Variants in DENND1B observed in about 807,000 individuals in gnomAD.
DENND1B encodes DENN domain-containing protein 1B.
DENND1B carries 59 observed loss-of-function variants against 90.1 expected under a neutral mutation model. That is an observed-to-expected ratio of 0.65 (90% CI 0.53 to 0.81). The LOEUF (loss-of-function observed/expected upper bound fraction) is 0.81, where lower values mean the gene tolerates loss of function less well. DENND1B is among the 40% of genes least tolerant of loss of function. The pLI is 0.00. For synonymous variants in DENND1B, 337 were observed against 324.6 expected (o/e 1.04, Z -0.41); for missense variants, 862 against 912.6 (o/e 0.94, Z 0.71).
At chr1:197,664,689 A>T (rs1022724786) in intron 5 of DENND1B, among the ~76,000 whole-genome samples, 5 of 152,164 alleles carry the variant, frequency 3.3e-5, no homozygotes. Context: ...ATAGTAATCA[A>T]ATAAAACTAA....
chr1:197,536,115 A>C (rs1248126645), intron 20 of DENND1B, among the ~76,000 whole-genome samples: 1 of 133,912 alleles, frequency 7.5e-6, no homozygotes, highest in Non-Finnish European at 1.6e-5. Flanking sequence ...AGACGGAGGG[A>C]GGGAGAGAGG....
At chr1:197,558,019 C>T (rs139636579) in intron 15 of DENND1B, among the ~76,000 whole-genome samples, 1 of 151,776 alleles carries the variant, frequency 6.6e-6, no homozygotes, top group African/African-American at 2.4e-5. Context: ...AATTGGAAGA[C>T]ATAAGCTTTG....
At position 197,746,825 on chromosome 1, in the gene DENND1B, G is replaced by C. The variant is rs139696845; in HGVS notation, c.82+26043C>G. The C allele has an allele frequency of 6.7e-5, 108 of 1,611,044 alleles. No individual in the cohort carries two copies. In the African/African-American group the frequency reaches 1.3e-3, roughly 20 times the overall value. On this transcript the variant is annotated intron_variant, in intron 2 of 22. Coordinates refer to ENST00000620048, the MANE Select transcript of DENND1B (RefSeq NM_001195215.2). ...CCCCCATGCAAGTTTCTTCTTTTTG[G>C]GGGCAGCCTGTGAATTTTCAACCTC...
At chr1:197,765,669 AAC>A (rs375034124) in intron 2 of DENND1B, among the ~76,000 whole-genome samples, 2 of 152,230 alleles carry the variant, frequency 1.3e-5, no homozygotes, top group Admixed American at 6.5e-5. Flanking sequence ...GTGACAAAAC[AAC>A]AGTCTTAAAG....
intron 4 of DENND1B, 54 bp from the exon 5 acceptor site, chr1:197,672,210 A>T: frequency 6.5e-7 from 1 of 1,545,838 alleles, no homozygotes; most frequent in East Asian, 2.3e-5. Flanking sequence ...ATTTTCTTCA[A>T]GAAAAACAAA....
intron 3 of DENND1B, among the ~76,000 whole-genome samples, chr1:197,681,402 C>T (rs540705679): frequency 6.6e-6 from 1 of 152,166 alleles, no homozygotes; most frequent in Admixed American, 6.5e-5. Context: ...TTAAAAATAC[C>T]TTCAGAGTCA....
At chr1:197,600,616 C>G (rs997690641) in intron 13 of DENND1B, among the ~76,000 whole-genome samples, 3 of 151,732 alleles carry the variant, frequency 2.0e-5, no homozygotes, top group Non-Finnish European at 4.4e-5. Context: ...CTATTTTGAT[C>G]TAAGAATGAG....
At chr1:197,625,182 C>G (rs911424339) in intron 10 of DENND1B, among the ~76,000 whole-genome samples, 1 of 151,546 alleles carries the variant, frequency 6.6e-6, no homozygotes, top group Non-Finnish European at 1.5e-5. Flanking sequence ...AGATATGCCT[C>G]GAGAAGAGCA....
chr1:197,650,520 CTA>C, intron 7 of DENND1B, among the ~76,000 whole-genome samples: 1 of 152,284 alleles, frequency 6.6e-6, no homozygotes, highest in South Asian at 2.1e-4. Flanking sequence ...TACTGGGTAT[CTA>C]TCAAGAGGAA....
At chr1:197,519,476 C>T (rs1297126653) in intron 20 of DENND1B, among the ~76,000 whole-genome samples, 4 of 151,860 alleles carry the variant, frequency 2.6e-5, no homozygotes, top group African/African-American at 9.7e-5. Flanking sequence ...TTGTGCCAGG[C>T]ATTGGGCTAC....
intron 18 of DENND1B, among the ~76,000 whole-genome samples, chr1:197,545,002 G>GA (rs368309429): frequency 4.3e-4 from 41 of 96,264 alleles, no homozygotes; most frequent in Middle Eastern, 6.0e-3. Flanking sequence ...GAAGAAGGAA[G>GA]ACGACGACGA....
chr1:197,719,108 G>C (rs1571488047), intron 2 of DENND1B, among the ~76,000 whole-genome samples: 2 of 152,172 alleles, frequency 1.3e-5, no homozygotes, highest in African/African-American at 2.4e-5. Flanking sequence ...GGAAGGGTAG[G>C]AAGGAGGTGG....
intron 15 of DENND1B, among the ~76,000 whole-genome samples, chr1:197,556,189 G>A (rs1671700338): frequency 1.3e-5 from 2 of 151,948 alleles, no homozygotes; most frequent in African/African-American, 4.8e-5. Context: ...TATAAACACT[G>A]GAGAGTCCAA....
At chr1:197,675,148 A>G (rs1655924983) in intron 3 of DENND1B, among the ~76,000 whole-genome samples, 1 of 152,142 alleles carries the variant, frequency 6.6e-6, no homozygotes, top group Non-Finnish European at 1.5e-5. Context: ...CCCATTAAAA[A>G]GAAAAAAGAG....
At chr1:197,730,880 G>T (rs1436420238) in intron 2 of DENND1B, among the ~76,000 whole-genome samples, 1 of 151,874 alleles carries the variant, frequency 6.6e-6, no homozygotes, top group East Asian at 1.9e-4. Flanking sequence ...AATTATATAT[G>T]TATATTATTT....
intron 12 of DENND1B, among the ~76,000 whole-genome samples, chr1:197,608,222 A>C (rs1007939477): frequency 4.6e-5 from 7 of 150,602 alleles, no homozygotes; most frequent in African/African-American, 1.7e-4. Flanking sequence ...ACAATTTCAA[A>C]TCTCTGCATA....
chr1:197,584,134 T>C (rs1674488390), intron 14 of DENND1B, among the ~76,000 whole-genome samples: 1 of 152,198 alleles, frequency 6.6e-6, no homozygotes, highest in Non-Finnish European at 1.5e-5. Flanking sequence ...CTGTTTACTT[T>C]GTAATAGAAC....
chr1:197,627,747 T>C (rs1178072448), intron 10 of DENND1B, among the ~76,000 whole-genome samples: 2 of 152,158 alleles, frequency 1.3e-5, no homozygotes, highest in African/African-American at 4.8e-5. Flanking sequence ...TTGTCCCTGT[T>C]TGCAGATGAC....
chr1:197,626,368 T>C (rs1019323095), intron 10 of DENND1B, among the ~76,000 whole-genome samples: 2 of 152,094 alleles, frequency 1.3e-5, no homozygotes, highest in African/African-American at 4.8e-5. Context: ...ATTAAGAAAC[T>C]CACTCAAAAC....
Sources: gnomAD v4.1 joint callset for allele counts (sites outside exome capture counted in the v4.1 genomes callset) on GRCh38, gnomAD v4.1.1 for gene constraint, MANE v1.5 for transcripts, NCBI Gene and HGNC (gene_info 2026-07-23, HGNC 2026-07-21) for gene names.